PPP2R2B: variants seen among roughly 807,000 people sequenced by gnomAD.
PPP2R2B encodes serine/threonine-protein phosphatase 2A 55 kDa regulatory subunit B beta isoform.
PPP2R2B carries 5 observed loss-of-function variants against 46.0 expected under a neutral mutation model. The observed-to-expected ratio is 0.11, with a 90% CI of 0.06 to 0.23. PPP2R2B has a LOEUF of 0.23. Ranked by LOEUF, PPP2R2B falls within the 10% of genes least tolerant of loss-of-function variation. The pLI is 1.00. For synonymous variants in PPP2R2B, 215 were observed against 206.7 expected (o/e 1.04, Z -0.34); for missense variants, 367 against 575.0 (o/e 0.64, Z 3.70).
intron 1 of PPP2R2B, among the ~76,000 whole-genome samples, chr5:146,925,553 T>C (rs1763755431): frequency 6.6e-6 from 1 of 152,228 alleles, no homozygotes; most frequent in Non-Finnish European, 1.5e-5. Flanking sequence ...TTCTTCTTGC[T>C]GCTTTCAAGA....
intron 2 of PPP2R2B, among the ~76,000 whole-genome samples, chr5:146,717,405 G>A (rs1384653785): frequency 1.3e-5 from 2 of 152,184 alleles, no homozygotes; most frequent in Admixed American, 6.5e-5. Flanking sequence ...TATTAAATGC[G>A]TTGGCAAAAT....
intron 2 of PPP2R2B, chr5:146,856,513 G>C (rs750688607): frequency 1.9e-6 from 3 of 1,602,038 alleles, no homozygotes; most frequent in East Asian, 4.5e-5. Flanking sequence ...ATTTCCATAG[G>C]TGTTTTCATC....
intron 1 of PPP2R2B, among the ~76,000 whole-genome samples, chr5:146,900,349 T>C (rs923559725): frequency 2.0e-5 from 3 of 152,124 alleles, no homozygotes; most frequent in African/African-American, 7.2e-5. Context: ...GAAAAGAAGA[T>C]ACAATGTAGA....
At chr5:146,628,629 G>T (rs559827383) in intron 7 of PPP2R2B, among the ~76,000 whole-genome samples, 3 of 152,304 alleles carry the variant, frequency 2.0e-5, no homozygotes, top group South Asian at 4.1e-4. Flanking sequence ...AAGAAGGAAG[G>T]TCTGCCCAAA....
chr5:146,806,798 T>C (rs903806133), intron 2 of PPP2R2B, among the ~76,000 whole-genome samples: 1 of 152,226 alleles, frequency 6.6e-6, no homozygotes, highest in Non-Finnish European at 1.5e-5. Context: ...CATGACAGAA[T>C]GTCGTTTTGC....
At chr5:146,697,923 A>G (rs1779276358) in intron 4 of PPP2R2B, 56 bp downstream of exon 4, 20 of 1,500,044 alleles carry the variant, frequency 1.3e-5, no homozygotes, top group Admixed American at 3.8e-5. Context: ...GAGAGATTGA[A>G]GTATATAGTT....
chr5:146,759,610 C>T (rs553975956), intron 2 of PPP2R2B, among the ~76,000 whole-genome samples: 11 of 152,288 alleles, frequency 7.2e-5, no homozygotes, highest in African/African-American at 2.6e-4. Context: ...CCTCCACCTT[C>T]CAAGTTGAAT....
rs747573157 is a variant in PPP2R2B, at chr5:146,745,160, C to CAGAGAGAGAGAGAGAGAG, written c.71-44036_71-44019dup. ...CAACTCTAAAACGTGCAGAGAAAGACAGAGAGAGAGAGAGAGAGAGAGAGA... is the reference window on the plus strand; with the variant it reads ...CAACTCTAAAACGTGCAGAGAAAGACAGAGAGAGAGAGAGAGAGAGAGAGAGAGAGAGAGAGAGAGAGA... On this transcript the variant is annotated intron_variant, in intron 2 of 9. Coordinates refer to ENST00000394411, the MANE Select transcript of PPP2R2B (RefSeq NM_181675.4). Among the ~76,000 whole-genome samples, 56 of 95,026 alleles carry CAGAGAGAGAGAGAGAGAG rather than the reference C, an allele frequency of 5.9e-4. 1 individual carries two copies. The highest frequency in any genetic ancestry group is 2.1e-3 in the East Asian group (6 of 2,848). The allele number at this position is 95,026 out of a possible 152,430, so 62.3% of individuals were successfully genotyped here. A position where few individuals can be genotyped will look rare whatever the true frequency, so the allele number is the denominator to read the frequency against.
intron 2 of PPP2R2B, among the ~76,000 whole-genome samples, chr5:146,778,750 C>T (rs1299978201): frequency 6.6e-6 from 1 of 152,230 alleles, no homozygotes; most frequent in Non-Finnish European, 1.5e-5. Context: ...CATCAGAATA[C>T]ATAACTGGGC....
At chr5:146,984,752 T>A (rs891780299) in intron 1 of PPP2R2B, among the ~76,000 whole-genome samples, 4 of 152,144 alleles carry the variant, frequency 2.6e-5, no homozygotes, top group Admixed American at 6.5e-5. Context: ...CTTTTTTTTT[T>A]AATAAAAGTA....
In PPP2R2B at chr5:146,965,374, G is replaced by A. The variant is rs149258075; in HGVS notation, c.79+90291C>T. Among the ~76,000 whole-genome samples, 215 of 152,308 alleles carry A rather than the reference G, an allele frequency of 1.4e-3. 1 individual carries two copies. Among genetic ancestry groups the A allele is most frequent in the African/African-American group, 5.1e-3 (210 of 41,558 alleles). On this transcript the variant is annotated intron_variant, in intron 1 of 8. Transcript: ENST00000336640. ...ATCATTTACTTGTTCAGAACGTTGAGGTTTTCTCTGATTAGCCAGTTTTCA... is the reference window on the plus strand; with the variant it reads ...ATCATTTACTTGTTCAGAACGTTGAAGTTTTCTCTGATTAGCCAGTTTTCA...
intron 2 of PPP2R2B, among the ~76,000 whole-genome samples, chr5:146,720,589 T>A (rs1041801332): frequency 6.6e-6 from 1 of 152,200 alleles, no homozygotes; most frequent in African/African-American, 2.4e-5. Context: ...TCTTGGGGAT[T>A]TATCTGGGTA....
At chr5:146,991,548 T>C (rs1311798548) in intron 1 of PPP2R2B, among the ~76,000 whole-genome samples, 1 of 152,168 alleles carries the variant, frequency 6.6e-6, no homozygotes, top group Non-Finnish European at 1.5e-5. Flanking sequence ...ATGTAGTGTA[T>C]ATTTCAAGAT....
chr5:146,731,343 C>A (rs573589487), intron 2 of PPP2R2B, among the ~76,000 whole-genome samples: 4 of 152,116 alleles, frequency 2.6e-5, no homozygotes, highest in Admixed American at 6.5e-5. Context: ...GACTCTGATG[C>A]CTGGACTTTT....
intron 1 of PPP2R2B, among the ~76,000 whole-genome samples, chr5:147,046,019 T>C (rs1756527817): frequency 6.6e-6 from 1 of 152,146 alleles, no homozygotes; most frequent in Non-Finnish European, 1.5e-5. Context: ...TAATGTCATA[T>C]CCTCTCCACT....
chr5:146,985,174 C>T (rs1753367843), intron 1 of PPP2R2B, among the ~76,000 whole-genome samples: 1 of 151,854 alleles, frequency 6.6e-6, no homozygotes, highest in Non-Finnish European at 1.5e-5. Context: ...GCATGTGCCA[C>T]CATGCCTGGC....
intron 7 of PPP2R2B, among the ~76,000 whole-genome samples, chr5:146,604,556 G>C (rs1046990039): frequency 3.3e-5 from 5 of 152,196 alleles, no homozygotes; most frequent in African/African-American, 1.2e-4. Context: ...CCCAGTCCTA[G>C]CCACTGGGGG....
intron 2 of PPP2R2B, among the ~76,000 whole-genome samples, chr5:146,759,905 TAC>T (rs1423436257): frequency 6.6e-6 from 1 of 152,182 alleles, no homozygotes; most frequent in Non-Finnish European, 1.5e-5. Context: ...TGTGATGTCT[TAC>T]AGTTATATGA....
At chr5:146,841,881 T>C (rs1343049259) in intron 2 of PPP2R2B, among the ~76,000 whole-genome samples, 1 of 152,112 alleles carries the variant, frequency 6.6e-6, no homozygotes, top group Non-Finnish European at 1.5e-5. Context: ...TGTATACCTA[T>C]GTAACAAACC....
Sources: allele counts gnomAD v4.1 joint callset (sites outside exome capture counted in the v4.1 genomes callset), GRCh38; gene constraint gnomAD v4.1.1; transcripts MANE v1.5; gene names NCBI Gene and HGNC (gene_info 2026-07-23, HGNC 2026-07-21).